The following KIF5C variants were observed in gnomAD, a reference collection of about 807,000 sequenced individuals.
The protein encoded by KIF5C is kinesin heavy chain isoform 5C.
KIF5C carries 18 observed loss-of-function variants against 125.2 expected under a neutral mutation model. That is an observed-to-expected ratio of 0.14 (90% confidence interval 0.10 to 0.21). The LOEUF (loss-of-function observed/expected upper bound fraction) is 0.21. KIF5C is among the 10% of genes least tolerant of loss of function. The pLI is 1.00. For missense variants in KIF5C, 780 were observed against 1,183.8 expected, an observed-to-expected ratio of 0.66 and a Z score of 5.01; for synonymous variants, 405 against 434.0, an observed-to-expected ratio of 0.93 and a Z score of 0.83.
chr2:149,006,280 G>C (rs1682004750), intron 22 of KIF5C, among the ~76,000 whole-genome samples: 2 of 152,198 alleles, frequency 1.3e-5, no homozygotes, highest in South Asian at 4.1e-4. Flanking sequence ...TACAAAGATA[G>C]AGTCGGGTCT....
chr2:148,875,575 G>GCCCCCCCCCCCCTCCCC lies in KIF5C; in HGVS notation c.-37_-36insCCCCCCTCCCCCCCCCC. On this transcript the variant is annotated 5_prime_UTR_variant, in exon 1 of 26. Transcript: ENST00000435030. ...TCCTCCCTCGTCGTTCCCGGCCCCGGCCCCCCACCCATCCCCGTGCCCCCT... is the reference window on the plus strand; with the variant it reads ...TCCTCCCTCGTCGTTCCCGGCCCCGGCCCCCCCCCCCCTCCCCCCCCCCACCCATCCCCGTGCCCCCT... The GCCCCCCCCCCCCTCCCC allele has an allele frequency of 1.4e-6, 1 of 699,604 alleles. No homozygotes were observed. 43.3% of individuals were successfully genotyped at this position (699,604 alleles called of 1,614,324 possible). A position where few individuals can be genotyped will look rare whatever the true frequency, so the allele number is the denominator to read the frequency against.
At chr2:148,929,741 A>G (rs1219702991) in intron 3 of KIF5C, among the ~76,000 whole-genome samples, 4 of 152,100 alleles carry the variant, frequency 2.6e-5, no homozygotes, top group African/African-American at 7.2e-5. Context: ...AAAAAACTGT[A>G]GGTCAGAGAT....
At chr2:149,021,266 T>C (rs954784996) in intron 25 of KIF5C, among the ~76,000 whole-genome samples, 1 of 152,162 alleles carries the variant, frequency 6.6e-6, no homozygotes, top group African/African-American at 2.4e-5. Context: ...TTTCACCATG[T>C]TGGCTGGGCT....
At chr2:148,880,899 A>G (rs1263181941) in intron 1 of KIF5C, among the ~76,000 whole-genome samples, 1 of 151,750 alleles carries the variant, frequency 6.6e-6, no homozygotes, top group African/African-American at 2.4e-5. Flanking sequence ...GGGTAGAGGT[A>G]GCAGGAAGGG....
chr2:148,895,804 C>T (rs1681822424), intron 1 of KIF5C, among the ~76,000 whole-genome samples: 1 of 151,638 alleles, frequency 6.6e-6, no homozygotes, highest in Non-Finnish European at 1.5e-5. Context: ...AGATAGCCAC[C>T]TTCTCACCGT....
chr2:148,987,057 G>T (rs1681397968), intron 15 of KIF5C, among the ~76,000 whole-genome samples: 1 of 152,174 alleles, frequency 6.6e-6, no homozygotes, highest in Non-Finnish European at 1.5e-5. Context: ...AGCCTGCAGG[G>T]TGGCCACTCT....
Position 149,010,341 on chromosome 2 carries a change from A to G in KIF5C, c.2757A>G (p.Ser919=), listed in dbSNP as rs1682149939. 5.1e-6 allele frequency: 8 copies of G among 1,581,622 alleles called. No individual in the cohort carries two copies. Among genetic ancestry groups the G allele is most frequent in the Non-Finnish European group, 6.9e-6 (8 of 1,164,722 alleles). Residue 919 remains serine (S), a synonymous_variant, in exon 24 of 26, where the codon TCA becomes TCG. Coordinates refer to ENST00000435030, the MANE Select transcript of KIF5C (RefSeq NM_004522.3). The stretch of plus-strand genomic sequence containing the variant: ...AGAACATGGCCAGAAGGGCCCATTC[A>G]GCCCAGATCGGTACGTGCGTGCACA... The part of the protein sequence containing the change: ...RAKNMARRAH[S]AQIAKPIRPG...
In KIF5C at chr2:148,987,269, C is replaced by T. The variant is rs561626126; in HGVS notation, c.1716+3503C>T. 2.6e-5 allele frequency among the ~76,000 whole-genome samples: 4 copies of T among 152,292 alleles called. No homozygotes were observed. In the East Asian group the frequency reaches 7.7e-4, roughly 29 times the overall value. ...ATGTATGCAACATGGGTCCCATGTT[C>T]ACTTTTATTTGGAGACTTAACATTT... On this transcript the variant is annotated intron_variant, in intron 15 of 25. Transcript: ENST00000435030.
At chr2:148,883,598 T>C (rs1681430162) in intron 1 of KIF5C, 1 of 152,198 alleles carries the variant, frequency 6.6e-6, no homozygotes, top group African/African-American at 2.4e-5. Flanking sequence ...CAACACACTT[T>C]GTTTTAAAAC....
At chr2:148,900,806 G>A (rs1680869214) in intron 1 of KIF5C, among the ~76,000 whole-genome samples, 2 of 152,164 alleles carry the variant, frequency 1.3e-5, no homozygotes, top group Admixed American at 6.6e-5. Flanking sequence ...AGTGATTATG[G>A]TTCAGTGTTG....
intron 15 of KIF5C, among the ~76,000 whole-genome samples, chr2:148,985,185 G>T (rs1221758703): frequency 6.6e-6 from 1 of 152,070 alleles, no homozygotes; most frequent in African/African-American, 2.4e-5. Flanking sequence ...AGGAATAGAA[G>T]GAAGAGATAG....
intron 1 of KIF5C, among the ~76,000 whole-genome samples, chr2:148,891,047 G>A (rs1306524972): frequency 2.0e-5 from 3 of 152,132 alleles, no homozygotes; most frequent in Non-Finnish European, 4.4e-5. Flanking sequence ...AGTAATTTAA[G>A]GCATTTTTCT....
chr2:148,973,313 C>T (rs1283695750), intron 11 of KIF5C, 23 bp from the exon 12 acceptor site: 1 of 1,599,362 alleles, frequency 6.3e-7, no homozygotes, highest in South Asian at 1.1e-5. Flanking sequence ...TAATCCCCAA[C>T]TCTGCTCGGC....
At position 148,992,871 on chromosome 2, in the gene KIF5C, A is replaced by G. The variant is rs114213577; in HGVS notation, c.1906-1550A>G. On this transcript the variant is annotated intron_variant, in intron 16 of 25. Coordinates refer to ENST00000435030, the MANE Select transcript of KIF5C (RefSeq NM_004522.3). ...CTCATCTGTGATTTCTAGGTCATCT[A>G]TGATACCAAAAGCATGTGTTTTGGC... is the stretch of plus-strand genomic sequence containing the variant. Among the ~76,000 whole-genome samples, 1,227 of 152,340 alleles carry G rather than the reference A, an allele frequency of 8.1e-3. 15 individuals are homozygous for G. Among genetic ancestry groups the G allele is most frequent in the African/African-American group, 0.029 (1,188 of 41,578 alleles).
rs1558866529 is a variant in KIF5C, at chr2:148,875,502, C to A, written c.-116C>A. On this transcript the variant is annotated 5_prime_UTR_variant, in exon 1 of 26. Transcript: ENST00000435030. ...GCGATGACCTGCTGAGAAGCGTCGT[C>A]GGAGGCTGCAGGAGGCGGCCTAGCT... 1 of 839,764 alleles carries A rather than the reference C, an allele frequency of 1.2e-6. No individual in the cohort carries two copies. Among genetic ancestry groups the A allele is most frequent in the Non-Finnish European group, 1.9e-6 (1 of 526,004 alleles). The allele number at this position is 839,764 out of a possible 1,614,324, so 52.0% of individuals were successfully genotyped here.
chr2:149,002,703 CT>C (rs1681887535), intron 21 of KIF5C, among the ~76,000 whole-genome samples: 1 of 152,144 alleles, frequency 6.6e-6, no homozygotes, highest in African/African-American at 2.4e-5. Context: ...GACACTCCCC[CT>C]CACACGCACG....
chr2:148,891,074 C>T (rs548796853), intron 1 of KIF5C, among the ~76,000 whole-genome samples: 1 of 151,930 alleles, frequency 6.6e-6, no homozygotes, highest in Admixed American at 6.6e-5. Context: ...ATAGATGTTC[C>T]CTGGAAGAAT....
At chr2:148,988,558 C>T (rs1375138852) in intron 15 of KIF5C, among the ~76,000 whole-genome samples, 1 of 152,146 alleles carries the variant, frequency 6.6e-6, no homozygotes, top group Non-Finnish European at 1.5e-5. Context: ...GTTTTCCTAC[C>T]AGGAGCTGGT....
At position 148,943,472 on chromosome 2, in the gene KIF5C, G is replaced by C. The variant is rs77032996; in HGVS notation, c.589+712G>C. ...TATGAACAGAAGCTGAGAGAACTAAGGGTTTATAGCTTGCATGAGGGAAAA... is the reference window on the plus strand; with the variant it reads ...TATGAACAGAAGCTGAGAGAACTAACGGTTTATAGCTTGCATGAGGGAAAA... On this transcript the variant is annotated intron_variant, in intron 7 of 25. Transcript: ENST00000435030. Among the ~76,000 whole-genome samples the C allele has an allele frequency of 4.6e-3, 700 of 152,246 alleles. 23 individuals are homozygous for C. Among genetic ancestry groups the C allele is most frequent in the Admixed American group, 0.036 (550 of 15,286 alleles).
Sources: allele counts gnomAD v4.1 joint callset (sites outside exome capture counted in the v4.1 genomes callset), GRCh38; gene constraint gnomAD v4.1.1; transcripts MANE v1.5; gene names NCBI Gene and HGNC (gene_info 2026-07-23, HGNC 2026-07-21).